Variants in RUFY2 observed in about 807,000 individuals in gnomAD.
The protein encoded by RUFY2 is RUN and FYVE domain-containing protein 2.
Under a neutral mutation model 94.4 loss-of-function variants are expected in RUFY2, and 49 were observed. The ratio of observed to expected loss-of-function variants is 0.52; its 90% CI spans 0.41 to 0.66. The LOEUF (loss-of-function observed/expected upper bound fraction) is 0.66, where lower values mean the gene tolerates loss of function less well. Among genes scored for constraint, RUFY2 ranks in the 30% least tolerant of loss-of-function variants. The probability of loss-of-function intolerance (pLI) is 0.00; values close to 1 mark genes in which losing one functional copy is unlikely to be tolerated. For synonymous variants in RUFY2, 255 were observed against 235.7 expected, an observed-to-expected ratio of 1.08 and a Z score of -0.75; for missense variants, 541 against 692.8, an observed-to-expected ratio of 0.78 and a Z score of 2.46.
chr10:68,361,380 GT>G (rs1170024536), intron 15 of RUFY2, among the ~76,000 whole-genome samples: 1 of 152,162 alleles, frequency 6.6e-6, no homozygotes, highest in Non-Finnish European at 1.5e-5. Context: ...TATGATCTTA[GT>G]AAACGCAAAC....
At chr10:68,381,194 T>C (rs2132778997) in intron 11 of RUFY2, 38 bp downstream of exon 11, 3 of 1,514,238 alleles carry the variant, frequency 2.0e-6, no homozygotes, top group Non-Finnish European at 2.7e-6. Context: ...ATATTCACTT[T>C]CAATTTACAT....
chr10:68,366,699 A>T (rs1348560070), intron 13 of RUFY2, among the ~76,000 whole-genome samples: 1 of 145,310 alleles, frequency 6.9e-6, no homozygotes, highest in Non-Finnish European at 1.5e-5. Context: ...CTAAAATCGC[A>T]CCATTGCACT....
chr10:68,379,449 C>T lies in RUFY2; in HGVS notation c.1180G>A (p.Ala394Thr), dbSNP rs185441769. 5.8e-4 allele frequency: 935 copies of T among 1,612,170 alleles called. 17 individuals carry two copies. In the East Asian group the frequency reaches 0.016, roughly 28 times the overall value. The change falls in exon 12 of 18, where the codon GCA becomes ACA. Residue 394 changes from alanine to threonine, a missense_variant. By Grantham distance (58) the Ala-to-Thr change is moderately conservative. This residue lies in a region of RUFY2 where 403 missense variants were observed against 480.7 expected (regional missense o/e 0.84). Transcript: ENST00000602465. Reference protein sequence around the residue: ...RLEEKTNKITAAMRQLEQRLQ... With the variant: ...RLEEKTNKITTAMRQLEQRLQ... ...CTTTGTTCCAGCTGCCTCATGGCTG[C>T]AGTAATTTTATTGGTTTTTTCTTCT... is the stretch of plus-strand genomic sequence containing the variant.
At chr10:68,347,228 T>TA (rs558329816) in intron 16 of RUFY2, among the ~76,000 whole-genome samples, 133 of 151,000 alleles carry the variant, frequency 8.8e-4, no homozygotes, top group South Asian at 1.7e-3. Flanking sequence ...TAAACGTTAG[T>TA]AAAAAAATGG....
intron 16 of RUFY2, among the ~76,000 whole-genome samples, chr10:68,347,779 G>T (rs2046388126): frequency 6.6e-6 from 1 of 152,140 alleles, no homozygotes; most frequent in Admixed American, 6.6e-5. Context: ...AAGTATAACT[G>T]AAGATTCCAA....
intron 10 of RUFY2, among the ~76,000 whole-genome samples, chr10:68,383,584 C>T (rs144004463): frequency 0.036 from 5,524 of 152,262 alleles, 309 homozygotes; most frequent in African/African-American, 0.12. Flanking sequence ...CACACCACTG[C>T]ACTCCAGCCT....
chr10:68,391,312 T>C (rs908325815), intron 7 of RUFY2, among the ~76,000 whole-genome samples: 1 of 152,044 alleles, frequency 6.6e-6, no homozygotes, highest in East Asian at 1.9e-4. Flanking sequence ...TTTTAATTTT[T>C]GGGGTTTTTT....
chr10:68,406,673 C>A, intron 1 of RUFY2: 1 of 1,319,368 alleles, frequency 7.6e-7, no homozygotes, highest in South Asian at 1.5e-5. Flanking sequence ...AGCCCCTTCC[C>A]TGCCTCTCTT....
chr10:68,357,331 C>A (rs57070275), intron 15 of RUFY2, among the ~76,000 whole-genome samples: 1 of 151,300 alleles, frequency 6.6e-6, no homozygotes, highest in Non-Finnish European at 1.5e-5. Flanking sequence ...AAGGTTCAAG[C>A]GATTCTCCTG....
At chr10:68,372,233 A>C (rs773542005) in intron 13 of RUFY2, among the ~76,000 whole-genome samples, 12 of 151,994 alleles carry the variant, frequency 7.9e-5, no homozygotes, top group Non-Finnish European at 1.5e-4. Flanking sequence ...ACATAGCAAG[A>C]TCCTGTCCCT....
intron 13 of RUFY2, among the ~76,000 whole-genome samples, chr10:68,368,007 C>G (rs1261785012): frequency 6.6e-6 from 1 of 151,248 alleles, no homozygotes; most frequent in African/African-American, 2.4e-5. Context: ...GCTCTGTCGC[C>G]CAGGCTGGAG....
At chr10:68,369,739 T>G (rs1190679641) in intron 13 of RUFY2, among the ~76,000 whole-genome samples, 1 of 151,678 alleles carries the variant, frequency 6.6e-6, no homozygotes, top group East Asian at 1.9e-4. Context: ...CTAGGCAACA[T>G]AGAGAGATCA....
intron 2 of RUFY2, among the ~76,000 whole-genome samples, chr10:68,402,377 C>T (rs1453759238): frequency 6.6e-6 from 1 of 152,094 alleles, no homozygotes; most frequent in African/African-American, 2.4e-5. Flanking sequence ...TTTGTTATTA[C>T]TGACCAGATC....
chr10:68,394,552 T>C (rs1307356888), intron 4 of RUFY2, 101 bp from the exon 5 acceptor site: 1 of 792,660 alleles, frequency 1.3e-6, no homozygotes, highest in African/African-American at 1.7e-5. Flanking sequence ...CTTACAGAAA[T>C]GGAAGCCATC....
At chr10:68,401,569 C>G (rs2050851292) in intron 3 of RUFY2, 51 bp downstream of exon 3, 1 of 1,131,728 alleles carries the variant, frequency 8.8e-7, no homozygotes, top group Non-Finnish European at 1.3e-6. Context: ...TTTGGAGGAA[C>G]AATGAATACA....
intron 2 of RUFY2, among the ~76,000 whole-genome samples, chr10:68,404,276 A>G (rs2051099369): frequency 1.3e-5 from 2 of 152,188 alleles, no homozygotes; most frequent in Admixed American, 6.6e-5. Flanking sequence ...GTTCGTGTAT[A>G]TATCTAGGAG....
At chr10:68,365,949 G>T (rs1424533156) in intron 13 of RUFY2, among the ~76,000 whole-genome samples, 1 of 152,058 alleles carries the variant, frequency 6.6e-6, no homozygotes, top group African/African-American at 2.4e-5. Flanking sequence ...GAATGAAAAA[G>T]CAAAGGAAAA....
chr10:68,389,642 T>C (rs555410553), intron 7 of RUFY2, among the ~76,000 whole-genome samples: 5 of 149,394 alleles, frequency 3.3e-5, no homozygotes, highest in South Asian at 4.2e-4. Flanking sequence ...CCAAGATAAA[T>C]TGTTGGCCAG....
At chr10:68,361,770 T>G (rs986320556) in intron 15 of RUFY2, among the ~76,000 whole-genome samples, 1 of 152,258 alleles carries the variant, frequency 6.6e-6, no homozygotes, top group Non-Finnish European at 1.5e-5. Flanking sequence ...TAGTATGATT[T>G]CTACTTAATT....
Sources: allele counts gnomAD v4.1 joint callset (sites outside exome capture counted in the v4.1 genomes callset), GRCh38; gene constraint gnomAD v4.1.1; regional missense constraint gnomAD v4.1.1; transcripts MANE v1.5; gene names NCBI Gene and HGNC (gene_info 2026-07-23, HGNC 2026-07-21).